CPNE5: variants seen among roughly 807,000 people sequenced by gnomAD.
The protein encoded by CPNE5 is copine 5.
In CPNE5, 42 loss-of-function variants were observed where a neutral mutation model predicts 81.1. That is an observed-to-expected ratio of 0.52 (90% CI 0.40 to 0.67). CPNE5 has a LOEUF of 0.67. CPNE5 is among the 30% of genes least tolerant of loss of function. CPNE5 has a pLI of 0.00. For synonymous variants in CPNE5, 313 were observed against 321.5 expected (o/e 0.97, Z 0.28); for missense variants, 612 against 815.5 (o/e 0.75, Z 3.04).
Position 36,765,317 on chromosome 6 carries a change from G to A in CPNE5, c.779+18C>T. 1 of 1,613,750 alleles carries A rather than the reference G, an allele frequency of 6.2e-7. No homozygotes were observed. The highest frequency in any genetic ancestry group is 2.2e-5 in the East Asian group (1 of 44,858). On this transcript the variant is annotated intron_variant, in intron 11 of 20. Coordinates refer to ENST00000244751, the MANE Select transcript of CPNE5 (RefSeq NM_020939.2). ...CATCCCCACTCACCTTCTCGCCCCT[G>A]CCCTCCTGCCTGCTTACCTGCCGTC...
intron 20 of CPNE5, chr6:36,743,334 G>T: frequency 9.7e-6 from 7 of 722,626 alleles, no homozygotes; most frequent in Non-Finnish European, 1.2e-5. Context: ...CTTGGAGAAG[G>T]CTGCAGCAAC....
chr6:36,773,392 C>T (rs919304882), intron 10 of CPNE5, among the ~76,000 whole-genome samples: 3 of 152,228 alleles, frequency 2.0e-5, no homozygotes, highest in Non-Finnish European at 4.4e-5. Context: ...CTCGCTCTCT[C>T]GGCGCTTGCT....
At chr6:36,838,515 C>T (rs1422963669) in intron 1 of CPNE5, among the ~76,000 whole-genome samples, 1 of 152,244 alleles carries the variant, frequency 6.6e-6, no homozygotes, top group African/African-American at 2.4e-5. Flanking sequence ...AGAGAAGTTA[C>T]CCCCAAACCC....
intron 3 of CPNE5, among the ~76,000 whole-genome samples, chr6:36,808,816 T>C (rs532126028): frequency 6.6e-6 from 1 of 152,314 alleles, no homozygotes; most frequent in South Asian, 2.1e-4. Flanking sequence ...GAAGCAGAAC[T>C]ATTATCCCCA....
intron 12 of CPNE5, 101 bp from the exon 13 acceptor site, chr6:36,756,399 C>G: frequency 1.0e-6 from 1 of 963,846 alleles, no homozygotes; most frequent in Non-Finnish European, 1.6e-6. Flanking sequence ...AGCCCAGCCC[C>G]ATTAGAGTGT....
intron 13 of CPNE5, 114 bp from the exon 14 acceptor site, chr6:36,753,209 G>A (rs905473954): frequency 2.5e-6 from 2 of 786,246 alleles, no homozygotes; most frequent in Non-Finnish European, 4.5e-6. Flanking sequence ...TTGCATGCAT[G>A]ACTGCATGCA....
At chr6:36,774,871 C>T in intron 10 of CPNE5, 90 bp downstream of exon 10, 4 of 978,312 alleles carry the variant, frequency 4.1e-6, no homozygotes, top group Non-Finnish European at 4.8e-6. Context: ...ATGGGACTGA[C>T]CACGTCAATA....
chr6:36,753,602 C>T (rs1348960341), intron 13 of CPNE5, among the ~76,000 whole-genome samples: 1 of 152,194 alleles, frequency 6.6e-6, no homozygotes, highest in Non-Finnish European at 1.5e-5. Context: ...TTGGACTGTG[C>T]TTATCTTAAA....
intron 17 of CPNE5, 64 bp downstream of exon 17, chr6:36,745,324 A>G: frequency 1.3e-6 from 2 of 1,552,988 alleles, no homozygotes; most frequent in Non-Finnish European, 8.7e-7. Flanking sequence ...CACCACCCAG[A>G]GGCAGAGCTG....
At chr6:36,772,589 A>G (rs995381745) in intron 10 of CPNE5, among the ~76,000 whole-genome samples, 1 of 152,194 alleles carries the variant, frequency 6.6e-6, no homozygotes, top group Non-Finnish European at 1.5e-5. Flanking sequence ...TTAAATCCGC[A>G]CAGCTAGAGG....
At chr6:36,765,163 A>G (rs1766439276) in intron 11 of CPNE5, among the ~76,000 whole-genome samples, 172 bp downstream of exon 11, 1 of 151,900 alleles carries the variant, frequency 6.6e-6, no homozygotes, top group African/African-American at 2.4e-5. Context: ...GGGAGGAGCT[A>G]CTGCAGCAGA....
Position 36,742,071 on chromosome 6 carries a change from C to T in CPNE5, c.*197G>A. On this transcript the variant is annotated 3_prime_UTR_variant, in exon 21 of 21. Transcript: ENST00000244751. ...TGTACCCCTCTTTCACCCGTACCCCCCTAACTCCCTGGGTTTGGGCAATAA... is the reference window on the plus strand; with the variant it reads ...TGTACCCCTCTTTCACCCGTACCCCTCTAACTCCCTGGGTTTGGGCAATAA... 2 of 579,308 alleles carry T rather than the reference C, an allele frequency of 3.5e-6. No homozygotes were observed. The highest frequency in any genetic ancestry group is 4.4e-5 in the South Asian group (2 of 45,624). The allele number at this position is 579,308 out of a possible 1,614,324, so 35.9% of individuals were successfully genotyped here.
At chr6:36,800,408 C>T (rs575070949) in intron 3 of CPNE5, among the ~76,000 whole-genome samples, 4 of 152,260 alleles carry the variant, frequency 2.6e-5, no homozygotes, top group Non-Finnish European at 2.9e-5. Context: ...GATGTAAATG[C>T]CACCTCCTCC....
chr6:36,743,665 G>A (rs991227601), intron 20 of CPNE5, 24 bp downstream of exon 20: 16 of 1,609,184 alleles, frequency 9.9e-6, no homozygotes, highest in South Asian at 2.2e-5. Flanking sequence ...ATTTCCCATG[G>A]GGCAGGCAAG....
chr6:36,743,366 T>G (rs955604415), intron 20 of CPNE5: 7 of 481,058 alleles, frequency 1.5e-5, no homozygotes, highest in Non-Finnish European at 1.9e-5. Context: ...TGCCTCAGCC[T>G]TCAAGGGGCA....
chr6:36,748,178 C>T (rs370768662), intron 15 of CPNE5, 43 bp downstream of exon 15: 78 of 1,591,272 alleles, frequency 4.9e-5, no homozygotes, highest in Non-Finnish European at 5.9e-5. Flanking sequence ...CCCTTAAAAG[C>T]TCTCTCCTCC....
At chr6:36,821,978 T>C in intron 3 of CPNE5, 136 bp downstream of exon 3, 1 of 718,178 alleles carries the variant, frequency 1.4e-6, no homozygotes, top group Non-Finnish European at 2.2e-6. Context: ...CTTCATGCTT[T>C]GCACACCTTA....
intron 3 of CPNE5, among the ~76,000 whole-genome samples, chr6:36,801,093 A>G (rs1382486909): frequency 1.3e-5 from 2 of 152,240 alleles, no homozygotes; most frequent in East Asian, 3.8e-4. Context: ...ATAATTTATT[A>G]CTCAGCAATA....
At position 36,798,601 on chromosome 6, in the gene CPNE5, C is replaced by G. The variant is rs1769809317; in HGVS notation, c.288-107G>C. The G allele has an allele frequency of 8.9e-6, 8 of 899,706 alleles. No individual in the cohort carries two copies. The South Asian group carries it at 1.1e-4, about 12-fold the overall frequency. 55.7% of individuals were successfully genotyped at this position (899,706 alleles called of 1,614,324 possible). Reference sequence around the variant, plus strand: ...CCCCTGTCCCCCAAAAAACAGGTCCCAACACAGTGAATATTTCTAGGAGTA... The same window carrying G: ...CCCCTGTCCCCCAAAAAACAGGTCCGAACACAGTGAATATTTCTAGGAGTA... On this transcript the variant is annotated intron_variant, in intron 4 of 20. Transcript: ENST00000244751.
Sources: allele counts gnomAD v4.1 joint callset (sites outside exome capture counted in the v4.1 genomes callset), GRCh38; gene constraint gnomAD v4.1.1; transcripts MANE v1.5; gene names NCBI Gene and HGNC (gene_info 2026-07-23, HGNC 2026-07-21).